Variants in PDE1C observed in about 807,000 individuals in gnomAD.
The protein encoded by PDE1C is phosphodiesterase 1C.
In PDE1C, 62 loss-of-function variants were observed where a neutral mutation model predicts 93.1. The ratio of observed to expected loss-of-function variants is 0.67; its 90% CI spans 0.54 to 0.82. The LOEUF (loss-of-function observed/expected upper bound fraction) is 0.82. Among genes scored for constraint, PDE1C ranks in the 40% least tolerant of loss-of-function variants. The pLI, the probability that PDE1C is intolerant of heterozygous loss-of-function variation, is 0.00. For missense variants in PDE1C, 742 were observed against 884.6 expected (o/e 0.84, Z 2.04); for synonymous variants, 325 against 310.1 (o/e 1.05, Z -0.50).
intron 2 of PDE1C, among the ~76,000 whole-genome samples, chr7:31,981,607 A>G (rs1393298961): frequency 6.6e-6 from 1 of 152,214 alleles, no homozygotes; most frequent in Non-Finnish European, 1.5e-5. Context: ...ACTATTTCAA[A>G]TGACAAAATC....
At chr7:31,745,634 A>G in the PDE1C span, among the ~76,000 whole-genome samples, 1 of 152,178 alleles carries the variant, frequency 6.6e-6, no homozygotes, top group Non-Finnish European at 1.5e-5. Context: ...AGATTTCCAA[A>G]GGCAAAAGGC....
intron 16 of PDE1C, among the ~76,000 whole-genome samples, chr7:31,776,382 TG>T (rs993036347): frequency 3.9e-5 from 6 of 152,186 alleles, no homozygotes; most frequent in Non-Finnish European, 8.8e-5. Context: ...GCTAGTTTAG[TG>T]GGGTTTCTTA....
chr7:31,704,563 C>T, the PDE1C span, among the ~76,000 whole-genome samples: 2 of 152,190 alleles, frequency 1.3e-5, no homozygotes, highest in South Asian at 2.1e-4. Context: ...GAGAATCTCA[C>T]GGTTCAATAG....
At chr7:31,997,240 T>C (rs1210409876) in intron 2 of PDE1C, among the ~76,000 whole-genome samples, 1 of 152,178 alleles carries the variant, frequency 6.6e-6, no homozygotes, top group Non-Finnish European at 1.5e-5. Flanking sequence ...AAGCTTTTAA[T>C]TTCTTACCTC....
chr7:32,233,016 A>C (rs1314592385), intron 1 of PDE1C, among the ~76,000 whole-genome samples: 2 of 152,200 alleles, frequency 1.3e-5, no homozygotes, highest in Non-Finnish European at 2.9e-5. Flanking sequence ...CATATTAAGA[A>C]CCAGAAAAAT....
At position 31,824,892 on chromosome 7, in the gene PDE1C, C is replaced by A; in HGVS notation, c.1381G>T (p.Gly461Cys). The A allele has an allele frequency of 6.2e-7, 1 of 1,613,332 alleles. No homozygotes were observed. The highest frequency in any genetic ancestry group is 8.5e-7 in the Non-Finnish European group (1 of 1,179,462). ...SPLIDETSQT[G>C]GTGQRRSSLN... ...CTCGAACGCCTCTGTCCTGTCCCAC[C>A]AGTTTGAGAGGTTTCATCGATTAAT... Residue 461 changes from glycine (G) to cysteine (C), a missense_variant, in exon 13 of 18, where the codon GGT becomes TGT. Coordinates refer to ENST00000396191, the MANE Select transcript of PDE1C (RefSeq NM_001191057.4).
chr7:31,708,777 C>A, the PDE1C span, among the ~76,000 whole-genome samples: 3 of 152,140 alleles, frequency 2.0e-5, no homozygotes, highest in African/African-American at 4.8e-5. Context: ...TTCCCGTTTG[C>A]CATATGCCCC....
chr7:31,814,901 G>T (rs537342037), intron 15 of PDE1C, among the ~76,000 whole-genome samples: 67 of 151,860 alleles, frequency 4.4e-4, no homozygotes, highest in African/African-American at 1.6e-3. Flanking sequence ...ATCTAGGTCT[G>T]TTGACTGCTA....
At chr7:31,903,968 A>G (rs565225486) in intron 2 of PDE1C, among the ~76,000 whole-genome samples, 1 of 152,190 alleles carries the variant, frequency 6.6e-6, no homozygotes, top group Admixed American at 6.6e-5. Context: ...TTTCTCTCAT[A>G]AACTTATTCT....
Position 32,242,276 on chromosome 7 carries a change from T to C in PDE1C, c.86-32737A>G, listed in dbSNP as rs1008070333. Among the ~76,000 whole-genome samples, 83 of 152,000 alleles carry C rather than the reference T, an allele frequency of 5.5e-4. 1 individual carries two copies. The highest frequency in any genetic ancestry group is 1.8e-3 in the African/African-American group (73 of 41,344). ...AGAGTCTGATAGGGCTGATGGACAA[T>C]GAAGATAGGTTCAAGAATTCGGAGT... On this transcript the variant is annotated intron_variant, in intron 1 of 18. Transcript: ENST00000396193.
At chr7:32,168,959 T>C (rs140997418) in intron 3 of PDE1C, among the ~76,000 whole-genome samples, 1 of 152,132 alleles carries the variant, frequency 6.6e-6, no homozygotes, top group African/African-American at 2.4e-5. Context: ...CTGCTAACCA[T>C]GTGGAGAGTA....
At chr7:31,743,931 T>C in the PDE1C span, among the ~76,000 whole-genome samples, 1 of 152,090 alleles carries the variant, frequency 6.6e-6, no homozygotes, top group South Asian at 2.1e-4. Context: ...AAGTGGGCAC[T>C]CCAGGCAGGA....
At chr7:31,682,690 T>C in the PDE1C span, among the ~76,000 whole-genome samples, 1 of 152,214 alleles carries the variant, frequency 6.6e-6, no homozygotes, top group African/African-American at 2.4e-5. Flanking sequence ...CACAGTAGCT[T>C]CCTTTGCAAT....
chr7:32,143,453 T>A (rs6962885), intron 3 of PDE1C, among the ~76,000 whole-genome samples: 1 of 151,842 alleles, frequency 6.6e-6, no homozygotes. Context: ...CAGGACGCAG[T>A]GTCACTGACC....
chr7:32,236,512 A>T (rs1808092240), intron 1 of PDE1C, among the ~76,000 whole-genome samples: 1 of 151,826 alleles, frequency 6.6e-6, no homozygotes, highest in Non-Finnish European at 1.5e-5. Flanking sequence ...GACATTTTAC[A>T]TAGAAGATAC....
chr7:31,637,244 G>A, the PDE1C span, among the ~76,000 whole-genome samples: 17 of 152,074 alleles, frequency 1.1e-4, no homozygotes, highest in East Asian at 3.9e-4. Flanking sequence ...TCCTTTGGGT[G>A]TATACCCAGT....
At chr7:32,263,665 T>C (rs1055422317) in intron 1 of PDE1C, among the ~76,000 whole-genome samples, 1 of 152,230 alleles carries the variant, frequency 6.6e-6, no homozygotes, top group Admixed American at 6.5e-5. Context: ...TTAATTGTCA[T>C]GCCTCTTTAG....
At chr7:32,405,998 C>A (rs930684895) in intron 1 of PDE1C, among the ~76,000 whole-genome samples, 3 of 152,268 alleles carry the variant, frequency 2.0e-5, no homozygotes, top group South Asian at 2.1e-4. Flanking sequence ...TTTCAAAGAA[C>A]CTTTCATGTC....
intron 2 of PDE1C, among the ~76,000 whole-genome samples, chr7:32,036,847 CT>C (rs1300423261): frequency 6.6e-6 from 1 of 152,142 alleles, no homozygotes; most frequent in Non-Finnish European, 1.5e-5. Flanking sequence ...CACCTGCAAA[CT>C]TTTTGAAATG....
Sources: allele counts gnomAD v4.1 joint callset (sites outside exome capture counted in the v4.1 genomes callset), GRCh38; gene constraint gnomAD v4.1.1; transcripts MANE v1.5; gene names NCBI Gene and HGNC (gene_info 2026-07-23, HGNC 2026-07-21).